SCN1A: variants seen among roughly 807,000 people sequenced by gnomAD.
The protein encoded by SCN1A is sodium channel protein type 1 subunit alpha.
In SCN1A, 13 loss-of-function variants were observed where a neutral mutation model predicts 193.7. The ratio of observed to expected loss-of-function variants is 0.07; its 90% CI spans 0.04 to 0.11. The LOEUF (loss-of-function observed/expected upper bound fraction) is 0.11. Ranked by LOEUF, SCN1A falls within the 10% of genes least tolerant of loss-of-function variation. The pLI, the probability that SCN1A is intolerant of heterozygous loss-of-function variation, is 1.00. For synonymous variants in SCN1A, 781 were observed against 843.6 expected, an observed-to-expected ratio of 0.93 and a Z score of 1.29; for missense variants, 1,432 against 2,451.1, an observed-to-expected ratio of 0.58 and a Z score of 8.78.
At chr2:166,042,526 T>G (rs1697308220) in intron 14 of SCN1A, 102 bp from the exon 15 acceptor site, 2 of 1,043,950 alleles carry the variant, frequency 1.9e-6, no homozygotes, top group African/African-American at 3.1e-5. Flanking sequence ...ACATGCATCA[T>G]GCACTTTCAT....
chr2:166,039,209 G>A (rs928279943), intron 17 of SCN1A, among the ~76,000 whole-genome samples: 2 of 152,022 alleles, frequency 1.3e-5, no homozygotes, highest in African/African-American at 4.8e-5. Context: ...TGAGTAATAC[G>A]TTAACTTTTA....
At position 166,036,367 on chromosome 2, in the gene SCN1A, G is replaced by C. The variant is rs1265022938; in HGVS notation, c.3110C>G (p.Ser1037Cys). Reference protein sequence around the residue: ...KRKIYEFIQQSFIRKQKILDE... With the variant: ...KRKIYEFIQQCFIRKQKILDE... ...TAAAATCTTTTGTTTCCTAATGAAGGACTGTTGAATAAATTCATATATTTT... is the reference window on the plus strand; with the variant it reads ...TAAAATCTTTTGTTTCCTAATGAAGCACTGTTGAATAAATTCATATATTTT... Residue 1037 changes from serine to cysteine, a missense_variant, in exon 19 of 29, where the codon TCC becomes TGC. Coordinates refer to ENST00000674923, the MANE Select transcript of SCN1A (RefSeq NM_001165963.4). 6.2e-7 allele frequency: 1 copy of C among 1,606,200 alleles called. No individual in the cohort carries two copies. Among genetic ancestry groups the C allele is most frequent in the Admixed American group, 1.7e-5 (1 of 58,504 alleles).
At chr2:166,012,433 G>T (rs1369000875) in intron 21 of SCN1A, 151 bp from the exon 22 acceptor site, 5 of 621,612 alleles carry the variant, frequency 8.0e-6, no homozygotes, top group African/African-American at 1.9e-5. Context: ...TCCTCGCAAA[G>T]GTCTTTTACT....
rs772966388 is a variant in SCN1A at position 165,994,300 on chromosome 2, A to G, written c.4698T>C (p.Ser1566=). 2 of 1,612,994 alleles carry G rather than the reference A, an allele frequency of 1.2e-6. No individual in the cohort carries two copies. Among genetic ancestry groups the G allele is most frequent in the Non-Finnish European group, 1.7e-6 (2 of 1,179,496 alleles). ...GTGACAAAATGGTAGTCACATATTCACTCTGGTCATCTGTTTCCACCATCA... is the reference window on the plus strand; with the variant it reads ...GTGACAAAATGGTAGTCACATATTCGCTCTGGTCATCTGTTTCCACCATCA... ...VTMMVETDDQ[S]EYVTTILSRI... Residue 1566 remains serine (S), a synonymous_variant, in exon 28 of 29, where the codon AGT becomes AGC. Coordinates refer to ENST00000674923, the MANE Select transcript of SCN1A (RefSeq NM_001165963.4).
At chr2:166,028,784 A>G in intron 19 of SCN1A, among the ~76,000 whole-genome samples, 1 of 152,196 alleles carries the variant, frequency 6.6e-6, no homozygotes, top group East Asian at 1.9e-4. Flanking sequence ...CTAGGACTTG[A>G]AAAATAAAAT....
At chr2:166,015,879 TAAG>T (rs1693226829) in intron 19 of SCN1A, 152 bp from the exon 20 acceptor site, 4 of 789,654 alleles carry the variant, frequency 5.1e-6, no homozygotes, top group South Asian at 1.6e-5. Flanking sequence ...GGGGAAGAAA[TAAG>T]AAAATCATTG....
rs1449250682 is a variant in SCN1A, at chr2:165,996,318, CTTTA to C, written c.4477-205_4477-202del. On this transcript the variant is annotated intron_variant, in intron 26 of 28. Transcript: ENST00000674923. ...AATTCCCTAAATAATTCAAAATTGACTTTATTATTATTATCTTATGAAGACAAAC... is the reference window on the plus strand; with the variant it reads ...AATTCCCTAAATAATTCAAAATTGACTTATTATTATCTTATGAAGACAAAC... The C allele has an allele frequency of 1.7e-5, 7 of 415,860 alleles. 1 individual carries two copies. Among genetic ancestry groups the C allele is most frequent in the South Asian group, 1.6e-4 (6 of 36,966 alleles). The allele number at this position is 415,860 out of a possible 1,614,324, so 25.8% of individuals were successfully genotyped here.
intron 9 of SCN1A, among the ~76,000 whole-genome samples, chr2:166,049,531 A>G (rs1183601963): frequency 6.6e-6 from 1 of 152,066 alleles, no homozygotes; most frequent in African/African-American, 2.4e-5. Context: ...AACTGAAATG[A>G]AAGCAATTTT....
chr2:166,101,677 C>A (rs569342104), intron 2 of SCN1A, among the ~76,000 whole-genome samples: 1 of 152,014 alleles, frequency 6.6e-6, no homozygotes, highest in South Asian at 2.1e-4. Flanking sequence ...GCTAACCATA[C>A]GCAGAAGATT....
chr2:165,996,182 A>T, intron 26 of SCN1A, 65 bp from the exon 27 acceptor site: 1 of 970,858 alleles, frequency 1.0e-6, no homozygotes, highest in Non-Finnish European at 1.6e-6. Flanking sequence ...TCAATGTTAA[A>T]ATAGAAAATG....
chr2:166,010,928 G>A (rs575304365), intron 22 of SCN1A, among the ~76,000 whole-genome samples: 223 of 150,870 alleles, frequency 1.5e-3, no homozygotes, highest in African/African-American at 5.1e-3. Flanking sequence ...TCATGAAAAA[G>A]CTGATGTGTA....
intron 4 of SCN1A, among the ~76,000 whole-genome samples, chr2:166,072,405 GA>G (rs1684522428): frequency 6.6e-6 from 1 of 152,104 alleles, no homozygotes; most frequent in African/African-American, 2.4e-5. Context: ...GCATGGATAT[GA>G]AAAAAGCACG....
chr2:166,080,772 G>A (rs368629497), intron 2 of SCN1A, among the ~76,000 whole-genome samples: 10 of 151,624 alleles, frequency 6.6e-5, no homozygotes, highest in East Asian at 3.9e-4. Flanking sequence ...ATCAAATAAC[G>A]TGGACAAAAG....
chr2:166,054,802 CAG>C (rs1698966177), intron 6 of SCN1A, 36 bp from the exon 7 acceptor site: 1 of 1,599,788 alleles, frequency 6.3e-7, no homozygotes, highest in Admixed American at 1.7e-5. Flanking sequence ...GATAAAGTAA[CAG>C]TGTTTTTTCA....
Position 166,041,346 on chromosome 2 carries a change from T to C in SCN1A, c.2300A>G (p.Asp767Gly), listed in dbSNP as rs759152714. The C allele has an allele frequency of 3.7e-6, 6 of 1,613,306 alleles. No homozygotes were observed. The highest frequency in any genetic ancestry group is 5.1e-6 in the Non-Finnish European group (6 of 1,179,364). The change falls in exon 16 of 29, where the codon GAC becomes GGC. Residue 767 changes from aspartate (D) to glycine (G), a missense_variant. Asp to Gly is a moderately conservative substitution (Grantham distance 94). Around this residue, in one of 18 missense-constraint regions of SCN1A, gnomAD observed 316 missense variants for 362.1 expected, o/e 0.87. Coordinates refer to ENST00000674923, the MANE Select transcript of SCN1A (RefSeq NM_001165963.4). ...GGTGATGGCCAGGTCAACAAATGGGTCCATCACAACCAGGTTGACAACATG... is the reference window on the plus strand; with the variant it reads ...GGTGATGGCCAGGTCAACAAATGGGCCCATCACAACCAGGTTGACAACATG... Reference protein sequence around the residue: ...VKHVVNLVVMDPFVDLAITIC... With the variant: ...VKHVVNLVVMGPFVDLAITIC...
intron 23 of SCN1A, among the ~76,000 whole-genome samples, chr2:166,004,636 C>T (rs1691403795): frequency 6.6e-6 from 1 of 151,440 alleles, no homozygotes; most frequent in East Asian, 1.9e-4. Context: ...ATTTTTCTTA[C>T]CTTGGTATTC....
intron 2 of SCN1A, among the ~76,000 whole-genome samples, chr2:166,124,278 A>T (rs868025479): frequency 6.6e-6 from 1 of 151,292 alleles, no homozygotes; most frequent in Non-Finnish European, 1.5e-5. Context: ...GCCCGGTGTG[A>T]TGGCTCACTC....
chr2:166,047,116 T>TA (rs1697937327), intron 11 of SCN1A, 140 bp from the exon 12 acceptor site: 11 of 921,032 alleles, frequency 1.2e-5, no homozygotes, highest in Non-Finnish European at 1.8e-5. Context: ...ACTTTTTTTT[T>TA]ATTGTTTCTT....
chr2:166,067,384 G>GA (rs933728974), intron 4 of SCN1A, among the ~76,000 whole-genome samples: 5 of 152,136 alleles, frequency 3.3e-5, no homozygotes, highest in African/African-American at 9.7e-5. Context: ...GCCGGCCTGG[G>GA]AGACCAGAAT....
Sources: gnomAD v4.1 joint callset for allele counts (sites outside exome capture counted in the v4.1 genomes callset) on GRCh38, gnomAD v4.1.1 for gene constraint, gnomAD v4.1.1 regional missense constraint, MANE v1.5 for transcripts, NCBI Gene and HGNC (gene_info 2026-07-23, HGNC 2026-07-21) for gene names.